AGBL1: variants seen among roughly 807,000 people sequenced by gnomAD.
The protein encoded by AGBL1 is cytosolic carboxypeptidase 4.
A neutral mutation model predicts 118.9 loss-of-function variants in AGBL1; 130 were observed. The observed-to-expected ratio is 1.09, with a 90% CI of 0.95 to 1.26. AGBL1 has a LOEUF of 1.26. Ranked by LOEUF, AGBL1 falls within the 50% of genes most tolerant of loss-of-function variation. AGBL1 has a pLI of 0.00. For synonymous variants in AGBL1, 555 were observed against 478.9 expected, an observed-to-expected ratio of 1.16 and a Z score of -2.08; for missense variants, 1,584 against 1,298.1, an observed-to-expected ratio of 1.22 and a Z score of -3.38.
intron 18 of AGBL1, among the ~76,000 whole-genome samples, chr15:86,430,880 A>C (rs892548289): frequency 4.6e-5 from 7 of 152,228 alleles, no homozygotes; most frequent in African/African-American, 1.7e-4. Context: ...CTATGTAACA[A>C]TAAATAGTTT....
At chr15:86,237,978 T>A (rs935653623) in intron 6 of AGBL1, among the ~76,000 whole-genome samples, 1 of 152,218 alleles carries the variant, frequency 6.6e-6, no homozygotes, top group Non-Finnish European at 1.5e-5. Flanking sequence ...CCACTTGCTG[T>A]GTGCCCTTGA....
At chr15:86,256,016 C>T (rs1194427929) in intron 7 of AGBL1, among the ~76,000 whole-genome samples, 1 of 152,102 alleles carries the variant, frequency 6.6e-6, no homozygotes, top group Non-Finnish European at 1.5e-5. Flanking sequence ...CTTTCTGCAC[C>T]CTTTAGGAAT....
chr15:86,191,699 A>C (rs907904713), intron 5 of AGBL1, among the ~76,000 whole-genome samples: 3 of 152,012 alleles, frequency 2.0e-5, no homozygotes, highest in Non-Finnish European at 4.4e-5. Flanking sequence ...CTCTGCTGTA[A>C]ATTTTTCTGT....
At chr15:86,125,926 A>C (rs959453) in intron 1 of AGBL1, among the ~76,000 whole-genome samples, 1 of 152,012 alleles carries the variant, frequency 6.6e-6, no homozygotes, top group Non-Finnish European at 1.5e-5. Context: ...AGAGAAGAGA[A>C]GCCTGATGTC....
intron 22 of AGBL1, among the ~76,000 whole-genome samples, chr15:86,879,386 C>T (rs2079858812): frequency 1.3e-5 from 2 of 152,098 alleles, no homozygotes. Context: ...TGGGAAAGAA[C>T]TTACCTGCTG....
intron 22 of AGBL1, among the ~76,000 whole-genome samples, chr15:86,863,144 A>G (rs1322469704): frequency 6.6e-6 from 1 of 152,188 alleles, no homozygotes; most frequent in Non-Finnish European, 1.5e-5. Context: ...GAGCATGTGG[A>G]TATATGGGTG....
At chr15:86,229,988 C>A (rs2078429495) in intron 6 of AGBL1, among the ~76,000 whole-genome samples, 1 of 152,108 alleles carries the variant, frequency 6.6e-6, no homozygotes, top group Admixed American at 6.5e-5. Context: ...GAAGTTGGGG[C>A]ATGGGAACAG....
intron 21 of AGBL1, among the ~76,000 whole-genome samples, chr15:86,563,115 T>G (rs1170083886): frequency 1.3e-5 from 2 of 152,238 alleles, no homozygotes; most frequent in African/African-American, 4.8e-5. Flanking sequence ...CACTGATTTT[T>G]TGAAGGGTTT....
In AGBL1 at chr15:86,163,990, C is replaced by T. The variant is rs544257741; in HGVS notation, c.488+4964C>T. Among the ~76,000 whole-genome samples, 326 of 152,342 alleles carry T rather than the reference C, an allele frequency of 2.1e-3. 1 individual carries two copies. Among genetic ancestry groups the T allele is most frequent in the Middle Eastern group, 6.8e-3 (2 of 294 alleles). ...TCTATTGCATGAGGGAATGAGGTGC[C>T]TTCTGGGAGAGAACTCATTCTGAGA... On this transcript the variant is annotated intron_variant, in intron 5 of 22. Transcript: ENST00000614907.
chr15:86,771,931 C>A (rs1181707720), intron 22 of AGBL1, among the ~76,000 whole-genome samples: 3 of 152,038 alleles, frequency 2.0e-5, no homozygotes, highest in African/African-American at 7.2e-5. Context: ...TTACATATAG[C>A]AGCCCTGGGA....
chr15:86,582,864 G>T lies in AGBL1; in HGVS notation c.2994+28327G>T, dbSNP rs531390656. Among the ~76,000 whole-genome samples the T allele has an allele frequency of 1.9e-3, 284 of 148,520 alleles. 1 individual carries two copies. The highest frequency in any genetic ancestry group is 6.0e-3 in the African/African-American group (240 of 40,262). On this transcript the variant is annotated intron_variant, in intron 21 of 22. Transcript: ENST00000614907. ...CATCACACACCGGAGACTGTTGTGG[G>T]GTTGGGGGAGGGGGGAGGGATAGCA... is the stretch of plus-strand genomic sequence containing the variant.
chr15:86,152,203 A>G (rs1295001611), intron 3 of AGBL1, among the ~76,000 whole-genome samples: 1 of 152,210 alleles, frequency 6.6e-6, no homozygotes, highest in Non-Finnish European at 1.5e-5. Context: ...AAGAGCATGC[A>G]TTGCCAAGAC....
chr15:86,091,665 A>C (rs1265212176), intron 1 of AGBL1, among the ~76,000 whole-genome samples: 1 of 152,244 alleles, frequency 6.6e-6, no homozygotes, highest in Non-Finnish European at 1.5e-5. Context: ...CAGGGCAATA[A>C]GCCACTTGAT....
intron 1 of AGBL1, among the ~76,000 whole-genome samples, chr15:86,096,061 A>AT (rs1462650115): frequency 2.6e-5 from 4 of 152,060 alleles, no homozygotes; most frequent in South Asian, 2.1e-4. Flanking sequence ...ATACATTAAA[A>AT]TTTTTTTGTT....
chr15:86,806,710 T>A (rs1189443784), intron 22 of AGBL1, among the ~76,000 whole-genome samples: 4 of 151,908 alleles, frequency 2.6e-5, no homozygotes, highest in Admixed American at 6.6e-5. Context: ...AAAGCACTCA[T>A]AAGAGTGCTG....
rs915934834 is a variant in AGBL1 at position 86,913,579 on chromosome 15, G to C, written c.*6285G>C. On this transcript the variant is annotated 3_prime_UTR_variant, in exon 23 of 23. Coordinates refer to ENST00000614907, the MANE Select transcript of AGBL1 (RefSeq NM_001386094.1). ...AGCACTGACTGTTTACAAGGCTGAA[G>C]CAGGCAAGGCGTGGTGGCTCACAAC... 1.3e-5 allele frequency: 2 copies of C among 152,264 alleles called. No individual in the cohort carries two copies. Among genetic ancestry groups the C allele is most frequent in the African/African-American group, 4.8e-5 (2 of 41,430 alleles). 9.4% of individuals were successfully genotyped at this position (152,264 alleles called of 1,614,324 possible). A position where few individuals can be genotyped will look rare whatever the true frequency, so the allele number is the denominator to read the frequency against.
chr15:86,875,287 T>C (rs1407776662), intron 22 of AGBL1, among the ~76,000 whole-genome samples: 3 of 152,226 alleles, frequency 2.0e-5, no homozygotes, highest in Non-Finnish European at 4.4e-5. Context: ...GTCTTACAAA[T>C]GTGTCTGCTA....
At chr15:86,496,235 C>T (rs1333336691) in intron 18 of AGBL1, among the ~76,000 whole-genome samples, 2 of 152,034 alleles carry the variant, frequency 1.3e-5, no homozygotes, top group African/African-American at 4.8e-5. Flanking sequence ...CACTTGCTCT[C>T]TCTCTCCTGC....
At chr15:86,402,417 T>C (rs942690081) in intron 18 of AGBL1, among the ~76,000 whole-genome samples, 1 of 152,112 alleles carries the variant, frequency 6.6e-6, no homozygotes, top group Admixed American at 6.6e-5. Context: ...ACAGTTTGAC[T>C]TCCTATTTAC....
Sources: gnomAD v4.1 joint callset for allele counts (sites outside exome capture counted in the v4.1 genomes callset) on GRCh38, gnomAD v4.1.1 for gene constraint, MANE v1.5 for transcripts, NCBI Gene and HGNC (gene_info 2026-07-23, HGNC 2026-07-21) for gene names.